SYNM: variants seen among roughly 807,000 people sequenced by gnomAD.
SYNM encodes synemin, also known as desmuslin.
Under a neutral mutation model 104.0 loss-of-function variants are expected in SYNM, and 95 were observed. That is an observed-to-expected ratio of 0.91 (90% confidence interval 0.77 to 1.08). The LOEUF is 1.08. Ranked by LOEUF, SYNM falls within the 50% of genes least tolerant of loss-of-function variation. The pLI is 0.00. For synonymous variants in SYNM, 918 were observed against 869.0 expected, an observed-to-expected ratio of 1.06 and a Z score of -0.99; for missense variants, 2,150 against 2,052.2, an observed-to-expected ratio of 1.05 and a Z score of -0.92.
Position 99,129,490 on chromosome 15 carries a change from A to G in SYNM, c.1130A>G (p.Asn377Ser), listed in dbSNP as rs782157651. 4 of 1,614,004 alleles carry G rather than the reference A, an allele frequency of 2.5e-6. No individual in the cohort carries two copies. The highest frequency in any genetic ancestry group is 3.4e-6 in the Non-Finnish European group (4 of 1,179,896). The change falls in exon 4 of 4, where the codon AAC becomes AGC. Residue 377 changes from asparagine to serine, a missense_variant. Coordinates refer to ENST00000336292, the MANE Select transcript of SYNM (RefSeq NM_145728.3). ...SFNHSSALYS[N>S]LSGHRGSQTG... The stretch of plus-strand genomic sequence containing the variant: ...AATCACAGCTCGGCACTGTATTCTA[A>G]CCTGTCAGGGCACCGTGGATCTCAG...
Position 99,133,841 on chromosome 15 carries a change from T to TAAG in SYNM, c.*783_*784insAAG, listed in dbSNP as rs1555486363. 2 of 151,988 alleles carry TAAG rather than the reference T, an allele frequency of 1.3e-5. No homozygotes were observed. Among genetic ancestry groups the TAAG allele is most frequent in the South Asian group, 4.2e-4 (2 of 4,818 alleles). The allele number at this position is 151,988 out of a possible 1,614,324, so 9.4% of individuals were successfully genotyped here. A position where few individuals can be genotyped will look rare whatever the true frequency, so the allele number is the denominator to read the frequency against. ...AAGTAGCACACAGTCTGAATGCCCT[T>TAAG]TTCTGGAGTGGCCAGTTCCTATCAG... On this transcript the variant is annotated 3_prime_UTR_variant, in exon 4 of 4. Coordinates refer to ENST00000336292, the MANE Select transcript of SYNM (RefSeq NM_145728.3).
intron 2 of SYNM, among the ~76,000 whole-genome samples, chr15:99,121,095 G>C (rs1555484476): frequency 6.6e-6 from 1 of 152,144 alleles, no homozygotes; most frequent in Non-Finnish European, 1.5e-5. Context: ...CTGGCAGAAA[G>C]GAATCAGGAA....
At chr15:99,106,956 A>G (rs1461524112) in intron 1 of SYNM, among the ~76,000 whole-genome samples, 1 of 152,222 alleles carries the variant, frequency 6.6e-6, no homozygotes, top group Non-Finnish European at 1.5e-5. Flanking sequence ...GACTTTTAAA[A>G]ATTAGAAGTG....
At chr15:99,127,149 T>A (rs1224820804) in intron 3 of SYNM, among the ~76,000 whole-genome samples, 3 of 152,096 alleles carry the variant, frequency 2.0e-5, no homozygotes, top group East Asian at 3.9e-4. Context: ...GGGGTTATGG[T>A]TGTTACACCT....
chr15:99,115,847 CT>C (rs2067343977), intron 2 of SYNM, among the ~76,000 whole-genome samples: 1 of 152,228 alleles, frequency 6.6e-6, no homozygotes, highest in Admixed American at 6.5e-5. Flanking sequence ...TGATACGTTG[CT>C]TGTAGTTTAC....
chr15:99,138,169 G>GC (rs782518074), downstream of SYNM: 8 of 1,606,514 alleles, frequency 5.0e-6, no homozygotes, highest in Non-Finnish European at 6.8e-6. Flanking sequence ...GTGCCCCTCA[G>GC]CCCCCCACAC....
chr15:99,124,015 G>A (rs1555484815), intron 2 of SYNM, among the ~76,000 whole-genome samples: 1 of 152,234 alleles, frequency 6.6e-6, no homozygotes, highest in African/African-American at 2.4e-5. Context: ...ATGAGGCCAG[G>A]GACTTGAGTT....
intron 2 of SYNM, among the ~76,000 whole-genome samples, chr15:99,120,586 G>T (rs550226755): frequency 1.3e-5 from 2 of 152,286 alleles, no homozygotes; most frequent in Non-Finnish European, 2.9e-5. Context: ...TACGATGCTG[G>T]GTGGGGGCCT....
In SYNM at chr15:99,134,486, A is replaced by G. The variant is rs1555486420; in HGVS notation, c.*1428A>G. 1.3e-5 allele frequency: 2 copies of G among 152,216 alleles called. No individual in the cohort carries two copies. Among genetic ancestry groups the G allele is most frequent in the South Asian group, 2.1e-4 (1 of 4,832 alleles). 9.4% of individuals were successfully genotyped at this position (152,216 alleles called of 1,614,324 possible). A position where few individuals can be genotyped will look rare whatever the true frequency, so the allele number is the denominator to read the frequency against. ...GCTAGCAGCGCATTTTTTTTAGTTC[A>G]GGCTAGCTTCTTTCACATAATGCTG... On this transcript the variant is annotated 3_prime_UTR_variant, in exon 4 of 4. Coordinates refer to ENST00000336292, the MANE Select transcript of SYNM (RefSeq NM_145728.3).
At chr15:99,138,997 G>A (rs140788242), downstream of SYNM, 152 of 413,636 alleles carry the variant, frequency 3.7e-4, no homozygotes, top group African/African-American at 2.4e-3. Flanking sequence ...GAGGGAAGCC[G>A]GAAGCAGGGC....
At chr15:99,111,594 G>A (rs12595457) in intron 1 of SYNM, among the ~76,000 whole-genome samples, 80,751 of 152,092 alleles carry the variant, frequency 0.53, 22,756 homozygotes, top group Middle Eastern at 0.66. Flanking sequence ...ACATAAGCCA[G>A]TGATTTTTAA....
Position 99,113,594 on chromosome 15 carries a change from G to A in SYNM, c.814G>A (p.Val272Met), listed in dbSNP as rs1555483617. 1.2e-6 allele frequency: 2 copies of A among 1,613,348 alleles called. No homozygotes were observed. The highest frequency in any genetic ancestry group is 1.7e-6 in the Non-Finnish European group (2 of 1,179,606). ...YGIQAEERQR[V>M]IDCLEDEKAT... The stretch of plus-strand genomic sequence containing the variant: ...AAAGTCTGTCTATTCTCTTTAGAGA[G>A]TGATTGACTGCCTGGAGGATGAGAA... The change falls in exon 2 of 4, where the codon GTG (valine) becomes ATG (methionine). Residue 272 changes from valine to methionine, a missense_variant. Val to Met is a conservative substitution (Grantham distance 21). Transcript: ENST00000336292.
intron 1 of SYNM, 66 bp from the exon 2 acceptor site, chr15:99,113,525 G>C (rs2067318562): frequency 6.3e-7 from 1 of 1,594,658 alleles, no homozygotes; most frequent in South Asian, 1.1e-5. Flanking sequence ...CTGAATTGTT[G>C]GTACCTTCAG....
In SYNM at chr15:99,126,908, A is replaced by G. The variant is rs984883907; in HGVS notation, c.1006+116A>G. The G allele has an allele frequency of 2.6e-5, 22 of 842,150 alleles. No individual in the cohort carries two copies. The South Asian group carries it at 4.8e-4, about 18-fold the overall frequency. 52.2% of individuals were successfully genotyped at this position (842,150 alleles called of 1,614,324 possible). ...GGGTTAGATATGGTGTTTAGATAACAGGAGTTCATCTCTCATTTAAGTACC... is the reference window on the plus strand; with the variant it reads ...GGGTTAGATATGGTGTTTAGATAACGGGAGTTCATCTCTCATTTAAGTACC... On this transcript the variant is annotated intron_variant, in intron 3 of 3. Transcript: ENST00000336292.
At chr15:99,119,176 C>G (rs1216427081) in intron 2 of SYNM, among the ~76,000 whole-genome samples, 1 of 152,234 alleles carries the variant, frequency 6.6e-6, no homozygotes, top group Non-Finnish European at 1.5e-5. Context: ...CCTCAAGATT[C>G]TGATGAGGTT....
chr15:99,107,935 T>G (rs909018528), intron 1 of SYNM, among the ~76,000 whole-genome samples: 6 of 123,730 alleles, frequency 4.8e-5, no homozygotes, highest in Middle Eastern at 7.8e-3. Flanking sequence ...TGGTTTTTTT[T>G]TTTGTTTTTT....
At position 99,105,993 on chromosome 15, in the gene SYNM, A is replaced by T. The variant is rs782119707; in HGVS notation, c.794A>T (p.Gln265Leu). Reference protein sequence around the residue: ...LLRMREEYGIQAEERQRVIDC... With the variant: ...LLRMREEYGILAEERQRVIDC... The stretch of plus-strand genomic sequence containing the variant: ...CGGATGCGCGAGGAGTACGGGATAC[A>T]GGCCGAGGAGCGGCAGGTCCGTGCG... The change falls in exon 1 of 4, where the codon CAG becomes CTG. Residue 265 changes from glutamine to leucine, a missense_variant. Coordinates refer to ENST00000336292, the MANE Select transcript of SYNM (RefSeq NM_145728.3). The T allele has an allele frequency of 4.1e-6, 6 of 1,478,356 alleles. No individual in the cohort carries two copies. Among genetic ancestry groups the T allele is most frequent in the Non-Finnish European group, 5.4e-6 (6 of 1,119,688 alleles). 91.6% of individuals were successfully genotyped at this position (1,478,356 alleles called of 1,614,324 possible). A position where few individuals can be genotyped will look rare whatever the true frequency, so the allele number is the denominator to read the frequency against.
chr15:99,131,694 G>A lies in SYNM; in HGVS notation c.3334G>A (p.Ala1112Thr), dbSNP rs782061103. The change falls in exon 4 of 4, where the codon GCC becomes ACC. Residue 1112 changes from alanine to threonine, a missense_variant. Ala to Thr is a moderately conservative substitution (Grantham distance 58). Transcript: ENST00000336292. The surrounding 1 kb of genome is among the most constrained non-coding windows in gnomAD (Gnocchi z 4.3). The stretch of plus-strand genomic sequence containing the variant: ...GGAGGTCAGCAGCCCCACAGGCTTT[G>A]CCCAGTCACAGGTGCTGGAGGATGT... ...TVEVSSPTGF[A>T]QSQVLEDVSQ... 1 of 1,613,336 alleles carries A rather than the reference G, an allele frequency of 6.2e-7. No individual in the cohort carries two copies. Among genetic ancestry groups the A allele is most frequent in the Non-Finnish European group, 8.5e-7 (1 of 1,179,808 alleles).
At chr15:99,139,071 C>T, downstream of SYNM, 2 of 554,494 alleles carry the variant, frequency 3.6e-6, no homozygotes, top group Admixed American at 2.5e-5. Flanking sequence ...CCTGCAGGGG[C>T]TGGTCTGCAG....
Sources: allele counts gnomAD v4.1 joint callset (sites outside exome capture counted in the v4.1 genomes callset), GRCh38; gene constraint gnomAD v4.1.1; non-coding constraint Gnocchi (gnomAD v3.1); transcripts MANE v1.5; gene names NCBI Gene and HGNC (gene_info 2026-07-23, HGNC 2026-07-21).